The following CC2D2B variants were observed in gnomAD, a reference collection of about 807,000 sequenced individuals.
The protein encoded by CC2D2B is coiled-coil and C2 domain containing 2B, also known as protein CC2D2B.
In CC2D2B, 128 loss-of-function variants were observed where a neutral mutation model predicts 161.2. That is an observed-to-expected ratio of 0.79 (90% confidence interval 0.69 to 0.92). The LOEUF (loss-of-function observed/expected upper bound fraction) is 0.92, where lower values mean the gene tolerates loss of function less well. Ranked by LOEUF, CC2D2B falls within the 40% of genes least tolerant of loss-of-function variation. CC2D2B has a pLI of 0.00. For missense variants in CC2D2B, 1,173 were observed against 1,375.1 expected, an observed-to-expected ratio of 0.85 and a Z score of 2.32; for synonymous variants, 391 against 449.8, an observed-to-expected ratio of 0.87 and a Z score of 1.65.
intron 6 of CC2D2B, among the ~76,000 whole-genome samples, chr10:95,934,834 G>A (rs1037327760): frequency 2.0e-4 from 31 of 152,028 alleles, no homozygotes; most frequent in Middle Eastern, 3.4e-3. Context: ...TTCCTATTCC[G>A]CCATCTTGCC....
intron 6 of CC2D2B, among the ~76,000 whole-genome samples, chr10:95,930,623 T>C (rs943488141): frequency 6.6e-6 from 1 of 152,212 alleles, no homozygotes; most frequent in Non-Finnish European, 1.5e-5. Context: ...TCAAAGGTCT[T>C]TTCTGCATCT....
At chr10:95,952,041 G>A (rs2076418836) in intron 10 of CC2D2B, among the ~76,000 whole-genome samples, 1 of 152,070 alleles carries the variant, frequency 6.6e-6, no homozygotes, top group Non-Finnish European at 1.5e-5. Flanking sequence ...AAGGCCAGGT[G>A]GTGCAGAGCA....
intron 9 of CC2D2B, among the ~76,000 whole-genome samples, chr10:95,949,646 T>A (rs1590538838): frequency 9.3e-6 from 1 of 107,066 alleles, no homozygotes; most frequent in African/African-American, 4.0e-5. Context: ...ACCCTAAAAC[T>A]TAGAGTATAA....
intron 22 of CC2D2B, among the ~76,000 whole-genome samples, chr10:95,993,866 A>G (rs2078066668): frequency 9.3e-6 from 1 of 107,286 alleles, no homozygotes; most frequent in Non-Finnish European, 1.8e-5. Flanking sequence ...AGAGAGAGAG[A>G]GAGAGTGTAT....
intron 5 of CC2D2B, among the ~76,000 whole-genome samples, chr10:95,926,531 T>C (rs962630500): frequency 6.6e-6 from 1 of 151,532 alleles, no homozygotes; most frequent in Non-Finnish European, 1.5e-5. Flanking sequence ...AATTATCTTA[T>C]ATAAAGTTAT....
intron 34 of CC2D2B, 35 bp from the exon 35 acceptor site, chr10:96,031,785 A>ATG (rs1285305514): frequency 9.0e-6 from 14 of 1,557,914 alleles, no homozygotes; most frequent in Non-Finnish European, 1.1e-5. Flanking sequence ...CCCAGTTGTA[A>ATG]TGTGGGTTTA....
At chr10:95,988,759 G>A (rs979179845) in intron 20 of CC2D2B, among the ~76,000 whole-genome samples, 2 of 152,278 alleles carry the variant, frequency 1.3e-5, no homozygotes, top group Admixed American at 6.5e-5. Flanking sequence ...AAATAGATAC[G>A]CTTTGAAACG....
chr10:95,927,359 C>G, intron 6 of CC2D2B, 27 bp downstream of exon 6: 1 of 1,189,972 alleles, frequency 8.4e-7, no homozygotes, highest in African/African-American at 1.5e-5. Flanking sequence ...TCCCTCCCAC[C>G]ATCTCACTCT....
At chr10:96,024,161 G>A (rs2141944324) in intron 32 of CC2D2B, among the ~76,000 whole-genome samples, 1 of 152,316 alleles carries the variant, frequency 6.6e-6, no homozygotes, top group Middle Eastern at 3.4e-3. Context: ...TGCCCAGGAA[G>A]GGAACTGGAA....
chr10:95,939,457 T>A lies in CC2D2B; in HGVS notation c.801+532T>A, dbSNP rs2075946149. ...TAACACTACCATGAAAATTTGCACA[T>A]CTTCTGATAACTGTGTGTGTATGCA... On this transcript the variant is annotated intron_variant, in intron 9 of 34. Coordinates refer to ENST00000646931, the MANE Select transcript of CC2D2B (RefSeq NM_001349008.3). 2.7e-5 allele frequency among the ~76,000 whole-genome samples: 4 copies of A among 147,422 alleles called. No individual in the cohort carries two copies. In the Admixed American group the frequency reaches 2.8e-4, roughly 10 times the overall value.
At chr10:95,979,871 G>A (rs1490355498) in intron 17 of CC2D2B, among the ~76,000 whole-genome samples, 1 of 152,166 alleles carries the variant, frequency 6.6e-6, no homozygotes, top group Non-Finnish European at 1.5e-5. Context: ...TAATGCCACT[G>A]AATTGTGTAT....
chr10:96,031,356 T>C (rs758827691), intron 34 of CC2D2B, among the ~76,000 whole-genome samples: 1 of 152,240 alleles, frequency 6.6e-6, no homozygotes, highest in Non-Finnish European at 1.5e-5. Context: ...GTCATCTATG[T>C]ATTATTAAAC....
In CC2D2B at chr10:95,991,406, A is replaced by G; in HGVS notation, c.2416A>G (p.Ser806Gly). The G allele has an allele frequency of 8.7e-7, 1 of 1,151,250 alleles. No individual in the cohort carries two copies. The highest frequency in any genetic ancestry group is 1.1e-6 in the Non-Finnish European group (1 of 913,696). 71.3% of individuals were successfully genotyped at this position (1,151,250 alleles called of 1,614,324 possible). A position where few individuals can be genotyped will look rare whatever the true frequency, so the allele number is the denominator to read the frequency against. ...RLIMKRIVKI[S>G]KCNLSDIVND... ...GATAATGAAGAGAATTGTTAAAATTAGCAAATGTAACTTGTCAGATATTGT... is the reference window on the plus strand; with the variant it reads ...GATAATGAAGAGAATTGTTAAAATTGGCAAATGTAACTTGTCAGATATTGT... The change falls in exon 21 of 35, where the codon AGC becomes GGC. Residue 806 changes from serine (S) to glycine (G), a missense_variant. Physicochemically the swap from Ser to Gly is moderately conservative, Grantham distance 56. Around this residue, in one of 3 missense-constraint regions of CC2D2B, gnomAD observed 598 missense variants for 693.2 expected, o/e 0.86. Transcript: ENST00000646931.
At chr10:95,992,394 C>T in intron 21 of CC2D2B, 133 bp from the exon 22 acceptor site, 1 of 652,424 alleles carries the variant, frequency 1.5e-6, no homozygotes, top group Non-Finnish European at 2.2e-6. Flanking sequence ...GAGTTTAAGA[C>T]AATTCTGTCT....
chr10:96,014,250 C>T (rs1055707966), intron 29 of CC2D2B, among the ~76,000 whole-genome samples: 15 of 152,244 alleles, frequency 9.9e-5, no homozygotes, highest in East Asian at 3.9e-4. Context: ...GTGAAGAGCT[C>T]GTAGAACAGT....
At chr10:95,934,322 G>A (rs974134308) in intron 6 of CC2D2B, among the ~76,000 whole-genome samples, 3 of 152,138 alleles carry the variant, frequency 2.0e-5, no homozygotes, top group South Asian at 2.1e-4. Flanking sequence ...GGGCTCCGTC[G>A]GGGTGGGATC....
chr10:95,971,158 G>A (rs904965260), intron 15 of CC2D2B, among the ~76,000 whole-genome samples: 1 of 152,122 alleles, frequency 6.6e-6, no homozygotes, highest in Non-Finnish European at 1.5e-5. Context: ...GGAGGCCAAG[G>A]CAGGCAGATC....
chr10:95,931,875 C>T (rs1461887215), intron 6 of CC2D2B, among the ~76,000 whole-genome samples: 1 of 152,158 alleles, frequency 6.6e-6, no homozygotes, highest in Non-Finnish European at 1.5e-5. Context: ...GTGGAGAGTT[C>T]CGTAGATGTC....
At chr10:95,937,210 AC>A (rs2141262201) in intron 6 of CC2D2B, among the ~76,000 whole-genome samples, 1 of 152,246 alleles carries the variant, frequency 6.6e-6, no homozygotes, top group East Asian at 1.9e-4. Context: ...TCTGTGATTA[AC>A]TTTTTAAATT....
Sources: gnomAD v4.1 joint callset for allele counts (sites outside exome capture counted in the v4.1 genomes callset) on GRCh38, gnomAD v4.1.1 for gene constraint, gnomAD v4.1.1 regional missense constraint, MANE v1.5 for transcripts, NCBI Gene and HGNC (gene_info 2026-07-23, HGNC 2026-07-21) for gene names.